SPATA21: variants seen among roughly 807,000 people sequenced by gnomAD.
The protein encoded by SPATA21 is spermatogenesis associated 21, also known as spermatogenesis-associated protein 21.
SPATA21 carries 47 observed loss-of-function variants against 54.8 expected under a neutral mutation model. The observed-to-expected ratio is 0.86, with a 90% CI of 0.68 to 1.09. The LOEUF is 1.09. SPATA21 is among the 50% of genes least tolerant of loss of function. The probability of loss-of-function intolerance (pLI) is 0.00; values close to 1 mark genes in which losing one functional copy is unlikely to be tolerated. For synonymous variants in SPATA21, 245 were observed against 235.3 expected (o/e 1.04, Z -0.38); for missense variants, 599 against 596.4 (o/e 1.00, Z -0.05).
At chr1:16,396,734 C>T (rs1011400139), downstream of SPATA21, 5 of 152,368 alleles carry the variant, frequency 3.3e-5, no homozygotes, top group Admixed American at 2.0e-4. Context: ...AGGCTCACTC[C>T]CTCGTTGGTT....
intron 3 of SPATA21, among the ~76,000 whole-genome samples, chr1:16,426,416 G>A (rs2086318190): frequency 6.6e-6 from 1 of 151,100 alleles, no homozygotes; most frequent in Non-Finnish European, 1.5e-5. Context: ...ATGCCACCAT[G>A]CCTGGCCAAT....
chr1:16,411,598 G>A (rs1053282301), intron 5 of SPATA21, among the ~76,000 whole-genome samples: 5 of 152,142 alleles, frequency 3.3e-5, no homozygotes, highest in South Asian at 2.1e-4. Context: ...AGACCATCTT[G>A]ACTAACATAG....
intron 8 of SPATA21, 21 bp downstream of exon 8, chr1:16,404,946 G>A (rs12760114): frequency 4.5e-6 from 7 of 1,550,856 alleles, no homozygotes; most frequent in Non-Finnish European, 6.1e-6. Flanking sequence ...GGGATGCAGA[G>A]TGGAGCCCTC....
At chr1:16,430,487 G>A (rs2086432576) in intron 3 of SPATA21, among the ~76,000 whole-genome samples, 1 of 152,122 alleles carries the variant, frequency 6.6e-6, no homozygotes, top group African/African-American at 2.4e-5. Flanking sequence ...GAGGCTGAGA[G>A]GTGTGATGGA....
chr1:16,403,363 A>G (rs893329171), intron 10 of SPATA21, among the ~76,000 whole-genome samples: 5 of 152,164 alleles, frequency 3.3e-5, no homozygotes, highest in Non-Finnish European at 5.9e-5. Flanking sequence ...GGATAGGTGG[A>G]GAGAGAAAGC....
intron 1 of SPATA21, among the ~76,000 whole-genome samples, chr1:16,433,542 C>T (rs11260757): frequency 0.25 from 37,849 of 152,146 alleles, 4,884 homozygotes; most frequent in East Asian, 0.28. Context: ...TCTCCCCCTA[C>T]GCCCCTCAAA....
At chr1:16,405,167 A>C (rs1570106261) in intron 7 of SPATA21, 63 bp from the exon 8 acceptor site, 3 of 1,545,966 alleles carry the variant, frequency 1.9e-6, no homozygotes. Flanking sequence ...TCATCCCATT[A>C]CCCCAACCAC....
At position 16,421,833 on chromosome 1, in the gene SPATA21, C is replaced by T; in HGVS notation, c.95+78G>A. ...TCTACCAGGTCAGGAGCAGTCTGGA[C>T]TAGAATTCACCCCACCTGAAACTCA... is the stretch of plus-strand genomic sequence containing the variant. On this transcript the variant is annotated intron_variant, in intron 4 of 12. Coordinates refer to ENST00000335496, the MANE Select transcript of SPATA21 (RefSeq NM_198546.1). This position sits in a 1 kb window ranked among gnomAD's most constrained non-coding sequence, Gnocchi z 5.2. 6.2e-7 allele frequency: 1 copy of T among 1,607,502 alleles called. No individual in the cohort carries two copies. The highest frequency in any genetic ancestry group is 8.5e-7 in the Non-Finnish European group (1 of 1,174,486).
At chr1:16,415,102 T>C (rs909183823) in intron 5 of SPATA21, among the ~76,000 whole-genome samples, 24 of 152,128 alleles carry the variant, frequency 1.6e-4, no homozygotes, top group African/African-American at 5.8e-4. Flanking sequence ...TTTCGGATGC[T>C]GAGGCAGGTG....
chr1:16,429,109 G>A (rs1428161126), intron 3 of SPATA21, among the ~76,000 whole-genome samples: 2 of 152,036 alleles, frequency 1.3e-5, no homozygotes, highest in Non-Finnish European at 2.9e-5. Context: ...TTATAACAGA[G>A]GCTACAGGGA....
At chr1:16,402,399 T>C (rs1039392849) in intron 10 of SPATA21, among the ~76,000 whole-genome samples, 2 of 150,240 alleles carry the variant, frequency 1.3e-5, no homozygotes, top group African/African-American at 2.4e-5. Context: ...GTAGCTGGGA[T>C]TACAGGCACC....
At chr1:16,411,803 A>C (rs1309935302) in intron 5 of SPATA21, among the ~76,000 whole-genome samples, 5 of 135,574 alleles carry the variant, frequency 3.7e-5, no homozygotes, top group African/African-American at 8.2e-5. Flanking sequence ...AAAAAAAAAA[A>C]AAAAACAAAA....
intron 5 of SPATA21, among the ~76,000 whole-genome samples, chr1:16,416,251 G>A (rs2086002879): frequency 6.6e-6 from 1 of 152,180 alleles, no homozygotes; most frequent in African/African-American, 2.4e-5. Context: ...GGTGTTAAGA[G>A]TGTCATTGAA....
chr1:16,404,976 CA>C lies in SPATA21; in HGVS notation c.801del (p.Asp268MetfsTer16). 1 of 1,595,530 alleles carries C rather than the reference CA, an allele frequency of 6.3e-7. No individual in the cohort carries two copies. The highest frequency in any genetic ancestry group is 1.4e-5 in the African/African-American group (1 of 73,908). ...LAQVEDALMS[A>X]DVNGDGRVDF... is the part of the protein sequence containing the mutation. ...GCCCTCTGCCACTCACCATTGACAT[CA>C]GCACTCATCAGGGCGTCCTCCACCT... On this transcript the variant is annotated frameshift_variant, in exon 8 of 13. Coordinates refer to ENST00000335496, the MANE Select transcript of SPATA21 (RefSeq NM_198546.1). LOFTEE classifies it high-confidence loss of function.
At chr1:16,420,664 C>T (rs2086146077) in intron 5 of SPATA21, among the ~76,000 whole-genome samples, 1 of 151,996 alleles carries the variant, frequency 6.6e-6, no homozygotes, top group Admixed American at 6.6e-5. Flanking sequence ...GGGGAGACAG[C>T]CATGGGAGCA....
chr1:16,419,585 T>C (rs1198265139), intron 5 of SPATA21, among the ~76,000 whole-genome samples: 1 of 152,092 alleles, frequency 6.6e-6, no homozygotes, highest in African/African-American at 2.4e-5. Context: ...GTTTGAGAAG[T>C]GAATTAGCCA....
At position 16,403,486 on chromosome 1, in the gene SPATA21, T is replaced by TTTC. The variant is rs1553161944; in HGVS notation, c.1001+240_1001+241insGAA. On this transcript the variant is annotated intron_variant, in intron 10 of 12. Transcript: ENST00000335496. ...CTAGTTTTATTCTAGTTTTTTTCTTTTTTTTCTTTTTTTTTTTTTTGAGAC... is the reference window on the plus strand; with the variant it reads ...CTAGTTTTATTCTAGTTTTTTTCTTTTTCTTTTTCTTTTTTTTTTTTTTGAGAC... Among the ~76,000 whole-genome samples the TTTC allele has an allele frequency of 7.1e-3, 861 of 121,146 alleles. 13 individuals are homozygous for TTTC. Among genetic ancestry groups the TTTC allele is most frequent in the African/African-American group, 0.023 (828 of 36,038 alleles). The allele number at this position is 121,146 out of a possible 152,430, so 79.5% of individuals were successfully genotyped here.
chr1:16,400,695 A>G, intron 11 of SPATA21, 25 bp downstream of exon 11: 1 of 1,587,500 alleles, frequency 6.3e-7, no homozygotes, highest in Non-Finnish European at 8.6e-7. Context: ...ACCCTAGCCC[A>G]TCCCACCCTG....
At position 16,421,420 on chromosome 1, in the gene SPATA21, C is replaced by G; in HGVS notation, c.144+89G>C. 1 of 1,321,732 alleles carries G rather than the reference C, an allele frequency of 7.6e-7. No individual in the cohort carries two copies. The highest frequency in any genetic ancestry group is 1.0e-6 in the Non-Finnish European group (1 of 964,240). The allele number at this position is 1,321,732 out of a possible 1,614,324, so 81.9% of individuals were successfully genotyped here. A position where few individuals can be genotyped will look rare whatever the true frequency, so the allele number is the denominator to read the frequency against. ...GACTCCAAATAGGGGTTTGACGTGC[C>G]ACATCCGCTTCTGCCCTCTTCCTCC... On this transcript the variant is annotated intron_variant, in intron 5 of 12. Coordinates refer to ENST00000335496, the MANE Select transcript of SPATA21 (RefSeq NM_198546.1). This position sits in a 1 kb window ranked among gnomAD's most constrained non-coding sequence, Gnocchi z 5.2.
Sources: allele counts gnomAD v4.1 joint callset (sites outside exome capture counted in the v4.1 genomes callset), GRCh38; gene constraint gnomAD v4.1.1; non-coding constraint Gnocchi (gnomAD v3.1); transcripts MANE v1.5; gene names NCBI Gene and HGNC (gene_info 2026-07-23, HGNC 2026-07-21).